Variants in UBE4A observed in about 807,000 individuals in gnomAD.
The protein encoded by UBE4A is ubiquitination factor E4A, also known as ubiquitin conjugation factor E4 A.
A neutral mutation model predicts 117.9 loss-of-function variants in UBE4A; 48 were observed. The observed-to-expected ratio is 0.41, with a 90% CI of 0.32 to 0.52. The LOEUF (loss-of-function observed/expected upper bound fraction) is 0.52, where lower values mean the gene tolerates loss of function less well. Among genes scored for constraint, UBE4A ranks in the 20% least tolerant of loss-of-function variants. The pLI is 0.33. For missense variants in UBE4A, 1,067 were observed against 1,296.3 expected, an observed-to-expected ratio of 0.82 and a Z score of 2.72; for synonymous variants, 407 against 450.0, an observed-to-expected ratio of 0.90 and a Z score of 1.21.
chr11:118,384,947 TAA>T lies in UBE4A; in HGVS notation c.2412+22_2412+23del, dbSNP rs370025001. ...TTCCTTTTGGATGAAGCCATACAGGTAAAAAAAAAAAAAAAAAAAAAGATTTA... is the reference window on the plus strand; with the variant it reads ...TTCCTTTTGGATGAAGCCATACAGGTAAAAAAAAAAAAAAAAAAAGATTTA... On this transcript the variant is annotated splice_donor_region_variant and intron_variant, in intron 15 of 19. Coordinates refer to ENST00000252108, the MANE Select transcript of UBE4A (RefSeq NM_001204077.2). The T allele has an allele frequency of 0.14, 139,956 of 1,007,182 alleles. No individual in the cohort carries two copies. Among genetic ancestry groups the T allele is most frequent in the East Asian group, 0.16 (5,392 of 34,520 alleles). The allele number at this position is 1,007,182 out of a possible 1,614,324, so 62.4% of individuals were successfully genotyped here.
At chr11:118,392,584 T>G (rs752449649) in intron 18 of UBE4A, among the ~76,000 whole-genome samples, 154 bp from the exon 19 acceptor site, 9 of 152,250 alleles carry the variant, frequency 5.9e-5, no homozygotes, top group Admixed American at 2.0e-4. Flanking sequence ...GGCTTGTTTT[T>G]GAGAAAATGA....
At chr11:118,387,869 T>C (rs1268783289) in intron 16 of UBE4A, among the ~76,000 whole-genome samples, 1 of 152,056 alleles carries the variant, frequency 6.6e-6, no homozygotes, top group African/African-American at 2.4e-5. Flanking sequence ...AGGATGACGG[T>C]GAAAGGAGCT....
rs201361239 is a variant in UBE4A at position 118,373,587 on chromosome 11, T to C, written c.1018T>C (p.Leu340=). The change falls in exon 8 of 20, where the codon TTA becomes CTA. Residue 340 remains leucine, a synonymous_variant. Coordinates refer to ENST00000252108, the MANE Select transcript of UBE4A (RefSeq NM_001204077.2). ...AGTAATTCTGAGTATCTCCTGCTTA[T>C]TAAAGACTCCGGGTGTTGTAGAAAA... ...LGVILSISCL[L]KTPGVVENHG... is the part of the protein sequence containing the mutation. The C allele has an allele frequency of 1.9e-5, 30 of 1,614,096 alleles. No homozygotes were observed. The highest frequency in any genetic ancestry group is 3.3e-5 in the Admixed American group (2 of 60,006).
intron 9 of UBE4A, 129 bp downstream of exon 9, chr11:118,375,358 A>T: frequency 4.1e-6 from 4 of 970,758 alleles, no homozygotes; most frequent in Admixed American, 3.5e-5. Flanking sequence ...AGCTATTTCG[A>T]TTTTTTTTTC....
At chr11:118,380,116 AGTGTGTGT>A (rs56027138) in intron 11 of UBE4A, among the ~76,000 whole-genome samples, 3 of 142,592 alleles carry the variant, frequency 2.1e-5, no homozygotes, top group Non-Finnish European at 3.1e-5. Context: ...GAAGGGAAAG[AGTGTGTGT>A]GTGTGTGTGC....
chr11:118,368,367 A>T (rs1244150998), intron 2 of UBE4A, among the ~76,000 whole-genome samples: 1 of 152,224 alleles, frequency 6.6e-6, no homozygotes, highest in African/African-American at 2.4e-5. Context: ...TCTGTAGAGA[A>T]GATAACTTTG....
chr11:118,360,814 G>A (rs1178912935), intron 1 of UBE4A, among the ~76,000 whole-genome samples: 2 of 152,114 alleles, frequency 1.3e-5, no homozygotes, highest in Non-Finnish European at 2.9e-5. Context: ...TGCAGCAAGT[G>A]TATCAGAGTG....
At chr11:118,368,578 C>A in intron 2 of UBE4A, 53 bp from the exon 3 acceptor site, 1 of 1,559,532 alleles carries the variant, frequency 6.4e-7, no homozygotes. Context: ...TGGTAGCATG[C>A]TTGGTTCTCT....
intron 10 of UBE4A, 106 bp downstream of exon 10, chr11:118,376,800 A>C: frequency 3.7e-4 from 501 of 1,356,220 alleles, no homozygotes; most frequent in Non-Finnish European, 4.4e-4. Context: ...CTTTAATCTC[A>C]GGATTTTGGG....
intron 1 of UBE4A, among the ~76,000 whole-genome samples, chr11:118,361,312 G>T (rs183955021): frequency 5.3e-5 from 8 of 152,226 alleles, no homozygotes; most frequent in Admixed American, 5.2e-4. Flanking sequence ...GACCTACTGC[G>T]CCCGGCGCTG....
At chr11:118,385,826 GT>G (rs1357220479) in intron 15 of UBE4A, among the ~76,000 whole-genome samples, 1 of 152,164 alleles carries the variant, frequency 6.6e-6, no homozygotes, top group Non-Finnish European at 1.5e-5. Context: ...TTTAAGATAG[GT>G]TTTCTTCAAA....
chr11:118,373,909 T>G (rs1045591596), intron 8 of UBE4A, among the ~76,000 whole-genome samples: 1 of 151,916 alleles, frequency 6.6e-6, no homozygotes, highest in Non-Finnish European at 1.5e-5. Context: ...GAGTTCAATT[T>G]GAAACCAGCC....
chr11:118,370,062 A>G (rs1357176132), intron 4 of UBE4A, among the ~76,000 whole-genome samples: 1 of 151,968 alleles, frequency 6.6e-6, no homozygotes, highest in Non-Finnish European at 1.5e-5. Flanking sequence ...ACTGCACTCC[A>G]GCCTGGACAA....
At position 118,368,614 on chromosome 11, in the gene UBE4A, T is replaced by C. The variant is rs778423922; in HGVS notation, c.122-17T>C. 1 of 1,613,790 alleles carries C rather than the reference T, an allele frequency of 6.2e-7. No homozygotes were observed. Among genetic ancestry groups the C allele is most frequent in the East Asian group, 2.2e-5 (1 of 44,878 alleles). On this transcript the variant is annotated splice_polypyrimidine_tract_variant and intron_variant, in intron 2 of 19. Transcript: ENST00000252108. ...CTTAAAGGGGTGTAACATTTAACAG[T>C]ATACATTTTCTGGCAGATGAACTCC...
intron 13 of UBE4A, among the ~76,000 whole-genome samples, chr11:118,383,755 T>C (rs1948728874): frequency 6.6e-6 from 1 of 152,084 alleles, no homozygotes; most frequent in African/African-American, 2.4e-5. Context: ...CAATGATAAA[T>C]ACAACTAACA....
intron 13 of UBE4A, 113 bp downstream of exon 13, chr11:118,382,889 C>A: frequency 3.1e-6 from 3 of 975,642 alleles, no homozygotes; most frequent in Non-Finnish European, 2.7e-6. Flanking sequence ...TTATTGAATA[C>A]CTACTATATG....
intron 2 of UBE4A, among the ~76,000 whole-genome samples, chr11:118,367,093 A>G (rs953920405): frequency 3.9e-5 from 6 of 152,060 alleles, no homozygotes; most frequent in African/African-American, 1.4e-4. Flanking sequence ...AGTCCCAGCT[A>G]CTTGGCTGAG....
chr11:118,376,481 A>G (rs375854333), intron 9 of UBE4A, 93 bp from the exon 10 acceptor site: 2 of 1,476,298 alleles, frequency 1.4e-6, no homozygotes, highest in African/African-American at 1.4e-5. Flanking sequence ...TTTTAAGAAG[A>G]TATCACTGCT....
At chr11:118,390,881 A>G in intron 18 of UBE4A, 77 bp downstream of exon 18, 1 of 1,552,914 alleles carries the variant, frequency 6.4e-7, no homozygotes, top group Non-Finnish European at 8.8e-7. Flanking sequence ...TCAAGCCTGT[A>G]GTCCCAGCTA....
Sources: allele counts gnomAD v4.1 joint callset (sites outside exome capture counted in the v4.1 genomes callset), GRCh38; gene constraint gnomAD v4.1.1; transcripts MANE v1.5; gene names NCBI Gene and HGNC (gene_info 2026-07-23, HGNC 2026-07-21).